Variants in EFCAB8 observed in about 807,000 individuals in gnomAD.
EFCAB8 encodes EF-hand calcium binding domain 8, also known as EF-hand calcium-binding domain-containing protein 8.
Under a neutral mutation model 116.3 loss-of-function variants are expected in EFCAB8, and 100 were observed. The observed-to-expected ratio is 0.86, with a 90% confidence interval of 0.73 to 1.02. The LOEUF (loss-of-function observed/expected upper bound fraction) is 1.02. EFCAB8 is among the 50% of genes least tolerant of loss of function. The probability of loss-of-function intolerance (pLI) is 0.00; values close to 1 mark genes in which losing one functional copy is unlikely to be tolerated. For missense variants in EFCAB8, 1,320 were observed against 1,416.9 expected (o/e 0.93, Z 1.10); for synonymous variants, 558 against 567.9 (o/e 0.98, Z 0.25).
At chr20:32,957,444 G>A (rs1263568429) in intron 23 of EFCAB8, among the ~76,000 whole-genome samples, 3 of 152,084 alleles carry the variant, frequency 2.0e-5, no homozygotes, top group Non-Finnish European at 4.4e-5. Flanking sequence ...CATCCAGTTG[G>A]GGATTGAACT....
In EFCAB8 at chr20:32,961,153, C is replaced by T; in HGVS notation, c.3411C>T (p.Tyr1137=). ...WMKHQISPQV[Y]QSLHFSDLMP... ...CCCTGCAGATCTCGCCTCAGGTCTA[C>T]CAAAGCCTGCACTTCAGTGATCTGA... The change falls in exon 27 of 27, where the codon TAC becomes TAT. Residue 1137 remains tyrosine, a synonymous_variant. Transcript: ENST00000400522. 1 of 1,552,258 alleles carries T rather than the reference C, an allele frequency of 6.4e-7. No individual in the cohort carries two copies. The highest frequency in any genetic ancestry group is 1.2e-5 in the South Asian group (1 of 84,058).
At chr20:32,946,178 G>A (rs918374598) in intron 23 of EFCAB8, among the ~76,000 whole-genome samples, 3 of 152,198 alleles carry the variant, frequency 2.0e-5, no homozygotes, top group Non-Finnish European at 2.9e-5. Context: ...AGCCCAGTCT[G>A]GTGCCTCTTC....
chr20:32,871,131 T>G (rs1295465740), intron 3 of EFCAB8, among the ~76,000 whole-genome samples: 2 of 152,118 alleles, frequency 1.3e-5, no homozygotes, highest in Non-Finnish European at 2.9e-5. Flanking sequence ...GGATTTCAGG[T>G]GTGAGCCACC....
chr20:32,912,078 T>C (rs1353363122), intron 16 of EFCAB8, among the ~76,000 whole-genome samples: 1 of 152,054 alleles, frequency 6.6e-6, no homozygotes, highest in Non-Finnish European at 1.5e-5. Context: ...TCCATGGGAG[T>C]GGCATAGGGC....
chr20:32,888,017 A>G lies in EFCAB8; in HGVS notation c.568-1284A>G, dbSNP rs1450620565. 2.6e-5 allele frequency among the ~76,000 whole-genome samples: 4 copies of G among 151,744 alleles called. No individual in the cohort carries two copies. In the East Asian group the frequency reaches 7.8e-4, roughly 29 times the overall value. On this transcript the variant is annotated intron_variant, in intron 6 of 26. Transcript: ENST00000400522. Reference sequence around the variant, plus strand: ...CTCCCTGCAGGCAAATGCTATGACCAGTTTTGGGGTGCTCTTCCATGGCTA... The same window carrying G: ...CTCCCTGCAGGCAAATGCTATGACCGGTTTTGGGGTGCTCTTCCATGGCTA...
At chr20:32,879,275 C>T (rs1985187649) in intron 5 of EFCAB8, among the ~76,000 whole-genome samples, 1 of 152,164 alleles carries the variant, frequency 6.6e-6, no homozygotes, top group African/African-American at 2.4e-5. Context: ...AAGCCCCCAG[C>T]CAGGCCCTGG....
chr20:32,913,063 A>G (rs1987017990), intron 17 of EFCAB8, among the ~76,000 whole-genome samples, 199 bp downstream of exon 17: 1 of 152,154 alleles, frequency 6.6e-6, no homozygotes, highest in Non-Finnish European at 1.5e-5. Context: ...GCCTTTTGCT[A>G]GGTGCCTGGG....
intron 18 of EFCAB8, 33 bp downstream of exon 18, chr20:32,917,538 C>G: frequency 7.5e-7 from 1 of 1,333,846 alleles, no homozygotes. Flanking sequence ...TCCTCCCACC[C>G]TTCTCTCAGC....
intron 14 of EFCAB8, 98 bp downstream of exon 14, chr20:32,908,510 C>T: frequency 1.3e-5 from 16 of 1,196,588 alleles, no homozygotes; most frequent in Non-Finnish European, 1.7e-5. Flanking sequence ...CGTCCTGTCC[C>T]TCCTGGGACT....
Position 32,908,691 on chromosome 20 carries a change from G to A in EFCAB8, c.1446+279G>A, listed in dbSNP as rs369750491. Among the ~76,000 whole-genome samples, 68 of 152,334 alleles carry A rather than the reference G, an allele frequency of 4.5e-4. 1 individual carries two copies. The South Asian group carries it at 0.014, about 31-fold the overall frequency. ...TCTCCCTCTGGGAGCCACCCTGAAC[G>A]TCAGGCTTGTTAGGAGCCCTTCCTC... On this transcript the variant is annotated intron_variant, in intron 14 of 26. Transcript: ENST00000400522.
chr20:32,938,660 AT>A (rs1988214363), intron 22 of EFCAB8, among the ~76,000 whole-genome samples: 1 of 149,896 alleles, frequency 6.7e-6, no homozygotes, highest in Non-Finnish European at 1.5e-5. Flanking sequence ...GAAAATGAAA[AT>A]TTAAAAATTT....
At chr20:32,953,186 G>A (rs1988851092) in intron 23 of EFCAB8, among the ~76,000 whole-genome samples, 1 of 152,018 alleles carries the variant, frequency 6.6e-6, no homozygotes. Flanking sequence ...ATATTTCATT[G>A]TATATATATG....
At chr20:32,921,361 T>TTGTGTGTG (rs71858676) in intron 20 of EFCAB8, among the ~76,000 whole-genome samples, 24,064 of 128,950 alleles carry the variant, frequency 0.19, 2,487 homozygotes, top group Middle Eastern at 0.28. Flanking sequence ...CCCAGCTATT[T>TTGTGTGTG]TGTGTGTGTG....
intron 24 of EFCAB8, among the ~76,000 whole-genome samples, chr20:32,958,865 T>G (rs1304587723): frequency 6.6e-6 from 1 of 152,218 alleles, no homozygotes; most frequent in Non-Finnish European, 1.5e-5. Flanking sequence ...CTGGCTTCCC[T>G]GCAGAGATCA....
At chr20:32,917,935 A>C (rs1259426619) in intron 18 of EFCAB8, among the ~76,000 whole-genome samples, 1 of 152,222 alleles carries the variant, frequency 6.6e-6, no homozygotes, top group East Asian at 1.9e-4. Flanking sequence ...AAGGGACCTT[A>C]GGGGCCGCCT....
Position 32,961,667 on chromosome 20 carries a change from G to T in EFCAB8, c.*58G>T. On this transcript the variant is annotated 3_prime_UTR_variant, in exon 27 of 27. Coordinates refer to ENST00000400522, the MANE Select transcript of EFCAB8 (RefSeq NM_001143967.2). ...GGGCAACCAGGCCCATGGCGGTCCT[G>T]CATGTTCTCGGCTTATTCCCTACCA... 3 of 1,067,214 alleles carry T rather than the reference G, an allele frequency of 2.8e-6. No individual in the cohort carries two copies. The highest frequency in any genetic ancestry group is 3.6e-6 in the Non-Finnish European group (3 of 823,256). The allele number at this position is 1,067,214 out of a possible 1,614,324, so 66.1% of individuals were successfully genotyped here.
At chr20:32,899,735 C>T (rs11696131) in intron 11 of EFCAB8, among the ~76,000 whole-genome samples, 43,900 of 151,786 alleles carry the variant, frequency 0.29, 8,155 homozygotes, top group Middle Eastern at 0.46. Context: ...CCACCATGCT[C>T]GGCTAATTTT....
rs543661327 is a variant in EFCAB8 at position 32,944,579 on chromosome 20, T to G, written c.2959+775T>G. On this transcript the variant is annotated intron_variant, in intron 23 of 26. Coordinates refer to ENST00000400522, the MANE Select transcript of EFCAB8 (RefSeq NM_001143967.2). The stretch of plus-strand genomic sequence containing the variant: ...CAGAAAGCTTTGTATTTTCATATGC[T>G]TTCATGTTCCTGCCTAGCATCCTTT... 1.6e-3 allele frequency among the ~76,000 whole-genome samples: 241 copies of G among 152,344 alleles called. 2 individuals are homozygous for G. Among genetic ancestry groups the G allele is most frequent in the Admixed American group, 0.012 (177 of 15,308 alleles).
Position 32,940,345 on chromosome 20 carries a change from A to G in EFCAB8, c.2791-3291A>G, listed in dbSNP as rs1383588634. 1.3e-5 allele frequency among the ~76,000 whole-genome samples: 2 copies of G among 149,680 alleles called. 1 individual carries two copies. The highest frequency in any genetic ancestry group is 3.0e-5 in the Non-Finnish European group (2 of 67,436). Reference sequence around the variant, plus strand: ...GGAGAAATAATATATTTTTTAAAACATGTCCTGCTGGGACAATAGGGATAA... The same window carrying G: ...GGAGAAATAATATATTTTTTAAAACGTGTCCTGCTGGGACAATAGGGATAA... On this transcript the variant is annotated intron_variant, in intron 22 of 26. Coordinates refer to ENST00000400522, the MANE Select transcript of EFCAB8 (RefSeq NM_001143967.2).
Sources: allele counts gnomAD v4.1 joint callset (sites outside exome capture counted in the v4.1 genomes callset), GRCh38; gene constraint gnomAD v4.1.1; transcripts MANE v1.5; gene names NCBI Gene and HGNC (gene_info 2026-07-23, HGNC 2026-07-21).